The following ZFHX3 variants were observed in gnomAD, a reference collection of about 807,000 sequenced individuals.
ZFHX3 encodes the protein zinc finger homeobox 3.
A neutral mutation model predicts 279.1 loss-of-function variants in ZFHX3; 42 were observed. That is an observed-to-expected ratio of 0.15 (90% confidence interval 0.12 to 0.19). ZFHX3 has a LOEUF of 0.19. ZFHX3 is among the 10% of genes least tolerant of loss of function. The probability of loss-of-function intolerance (pLI) is 1.00; values close to 1 mark genes in which losing one functional copy is unlikely to be tolerated. For missense variants in ZFHX3, 4,981 were observed against 4,754.0 expected, an observed-to-expected ratio of 1.05 and a Z score of -1.40; for synonymous variants, 2,293 against 1,957.8, an observed-to-expected ratio of 1.17 and a Z score of -4.52.
intron 3 of ZFHX3, among the ~76,000 whole-genome samples, chr16:73,411,505 GT>G (rs960194747): frequency 5.9e-5 from 9 of 151,472 alleles, no homozygotes; most frequent in Non-Finnish European, 1.2e-4. Context: ...ATACTTCTTT[GT>G]TTTTTTTCAG....
chr16:73,113,736 A>G (rs1966402910), intron 7 of ZFHX3, among the ~76,000 whole-genome samples: 1 of 149,646 alleles, frequency 6.7e-6, no homozygotes, highest in Admixed American at 6.6e-5. Flanking sequence ...TCTACATTAC[A>G]TGGGCGGAAG....
chr16:73,512,525 CA>C (rs1201496877), intron 2 of ZFHX3, among the ~76,000 whole-genome samples: 1 of 70,834 alleles, frequency 1.4e-5, no homozygotes, highest in African/African-American at 6.6e-5. Flanking sequence ...GTAATTAAAA[CA>C]TTTTTTTTTT....
chr16:73,343,483 G>A lies in ZFHX3; in HGVS notation c.-1290-25147C>T, dbSNP rs183978632. On this transcript the variant is annotated intron_variant, in intron 3 of 17. Coordinates refer to the ZFHX3 transcript ENST00000641206. ...CTCACACCTGTAATCTCAGCTCTTTGGGAGGCCGAGGTGGGAGGAATGCTT... is the reference window on the plus strand; with the variant it reads ...CTCACACCTGTAATCTCAGCTCTTTAGGAGGCCGAGGTGGGAGGAATGCTT... Among the ~76,000 whole-genome samples, 197 of 152,288 alleles carry A rather than the reference G, an allele frequency of 1.3e-3. 1 individual carries two copies. The highest frequency in any genetic ancestry group is 1.9e-3 in the Non-Finnish European group (128 of 68,010).
intron 4 of ZFHX3, among the ~76,000 whole-genome samples, chr16:73,272,628 G>A (rs1243583538): frequency 6.6e-6 from 1 of 152,146 alleles, no homozygotes; most frequent in Non-Finnish European, 1.5e-5. Context: ...ATTCCCAACA[G>A]TGAGGTTGGA....
At chr16:73,558,209 T>A (rs919509414) in intron 2 of ZFHX3, 1 of 152,244 alleles carries the variant, frequency 6.6e-6, no homozygotes. Context: ...TTCTAATGTG[T>A]GTGCCCACGT....
At chr16:72,929,239 T>TAA (rs766113421) in intron 3 of ZFHX3, among the ~76,000 whole-genome samples, 3 of 116,862 alleles carry the variant, frequency 2.6e-5, no homozygotes, top group East Asian at 2.4e-4. Context: ...AGACCCTGTC[T>TAA]AAAAAAAAAA....
intron 3 of ZFHX3, among the ~76,000 whole-genome samples, chr16:73,417,503 A>T (rs2017615396): frequency 6.8e-6 from 1 of 146,778 alleles, no homozygotes; most frequent in African/African-American, 2.6e-5. Context: ...AGTACCTAGG[A>T]TTCCAAGTAT....
At chr16:72,826,403 A>G (rs2036929895) in intron 5 of ZFHX3, among the ~76,000 whole-genome samples, 1 of 152,220 alleles carries the variant, frequency 6.6e-6, no homozygotes, top group Admixed American at 6.5e-5. Context: ...AGATTGTGAA[A>G]TCACTATTTA....
intron 3 of ZFHX3, chr16:73,421,374 A>G (rs2017715677): frequency 6.6e-6 from 1 of 152,226 alleles, no homozygotes; most frequent in Non-Finnish European, 1.5e-5. Context: ...GGTATGTTTA[A>G]GTAAAGTGTG....
intron 2 of ZFHX3, among the ~76,000 whole-genome samples, chr16:73,626,568 G>T (rs924356811): frequency 5.3e-5 from 8 of 152,174 alleles, no homozygotes; most frequent in African/African-American, 1.9e-4. Context: ...TCAGTGATGT[G>T]AGATGATATC....
intron 3 of ZFHX3, among the ~76,000 whole-genome samples, chr16:73,447,971 C>T (rs1274000480): frequency 6.6e-6 from 1 of 152,136 alleles, no homozygotes; most frequent in Non-Finnish European, 1.5e-5. Context: ...AACTGAAGGG[C>T]CTGCTAGAAC....
intron 4 of ZFHX3, among the ~76,000 whole-genome samples, chr16:73,292,951 C>T (rs908140757): frequency 9.9e-5 from 15 of 152,140 alleles, no homozygotes. Flanking sequence ...TGGAAGAAGC[C>T]AAGTCAACAC....
chr16:73,577,341 G>A (rs1342487123), intron 2 of ZFHX3, among the ~76,000 whole-genome samples: 3 of 151,948 alleles, frequency 2.0e-5, no homozygotes, highest in African/African-American at 4.8e-5. Flanking sequence ...AATGGCACAC[G>A]GTCCTGGTTC....
chr16:72,932,421 C>CT lies in ZFHX3; in HGVS notation c.3216+18047dup, dbSNP rs1213469160. On this transcript the variant is annotated intron_variant, in intron 3 of 9. Coordinates refer to ENST00000268489, the MANE Select transcript of ZFHX3 (RefSeq NM_006885.4). ...TTTTCCTGAGTACTTCACTAGATCA[C>CT]TTTTTGCTCCATTACTTAGGAGAGG... is the stretch of plus-strand genomic sequence containing the variant. 4.6e-5 allele frequency among the ~76,000 whole-genome samples: 7 copies of CT among 152,034 alleles called. No individual in the cohort carries two copies. The East Asian group carries it at 1.4e-3, about 29-fold the overall frequency.
chr16:73,351,844 C>G (rs1347844820), intron 3 of ZFHX3, among the ~76,000 whole-genome samples: 2 of 152,214 alleles, frequency 1.3e-5, no homozygotes, highest in Admixed American at 6.5e-5. Context: ...AAGACTGTCA[C>G]TCAAAGCCTC....
At chr16:73,251,701 GCACACACACATA>G (rs1230322452) in intron 5 of ZFHX3, among the ~76,000 whole-genome samples, 2 of 121,704 alleles carry the variant, frequency 1.6e-5, no homozygotes, top group East Asian at 5.4e-4. Context: ...ACACACACAT[GCACACACACATA>G]CACACCACAC....
At chr16:72,798,782 A>T in intron 8 of ZFHX3, 68 bp from the exon 9 acceptor site, 1 of 1,497,148 alleles carries the variant, frequency 6.7e-7, no homozygotes, top group Non-Finnish European at 8.8e-7. Flanking sequence ...TGGCACCCAG[A>T]GCGGTCTACC....
intron 2 of ZFHX3, among the ~76,000 whole-genome samples, chr16:73,588,346 T>A (rs946682074): frequency 6.6e-6 from 1 of 152,034 alleles, no homozygotes; most frequent in Non-Finnish European, 1.5e-5. Flanking sequence ...ATATAGTATG[T>A]CCAAAAAGCT....
At chr16:73,408,125 T>G (rs1216031331) in intron 3 of ZFHX3, among the ~76,000 whole-genome samples, 1 of 148,726 alleles carries the variant, frequency 6.7e-6, no homozygotes, top group Non-Finnish European at 1.5e-5. Context: ...TTTTTTTTGC[T>G]TGGGTGGAGG....
Sources: gnomAD v4.1 joint callset for allele counts (sites outside exome capture counted in the v4.1 genomes callset) on GRCh38, gnomAD v4.1.1 for gene constraint, MANE v1.5 for transcripts, NCBI Gene and HGNC (gene_info 2026-07-23, HGNC 2026-07-21) for gene names.